Variants in SSPN observed in about 807,000 individuals in gnomAD.
SSPN encodes K-ras oncogene-associated protein.
SSPN carries 15 observed loss-of-function variants against 19.1 expected under a neutral mutation model. The ratio of observed to expected loss-of-function variants is 0.78; its 90% confidence interval spans 0.52 to 1.21. The LOEUF (loss-of-function observed/expected upper bound fraction) is 1.21, where lower values mean the gene tolerates loss of function less well. Among genes scored for constraint, SSPN ranks in the 50% most tolerant of loss-of-function variants. The pLI, the probability that SSPN is intolerant of heterozygous loss-of-function variation, is 0.00. For missense variants in SSPN, 291 were observed against 314.0 expected, an observed-to-expected ratio of 0.93 and a Z score of 0.55; for synonymous variants, 147 against 140.3, an observed-to-expected ratio of 1.05 and a Z score of -0.34.
chr12:26,227,389 G>C (rs1342204679), intron 2 of SSPN, among the ~76,000 whole-genome samples: 1 of 152,164 alleles, frequency 6.6e-6, no homozygotes. Flanking sequence ...GTGTGAGATA[G>C]ATACGCACGA....
chr12:26,123,684 C>T (rs1432535561), intron 1 of SSPN: 1 of 1,614,160 alleles, frequency 6.2e-7, no homozygotes, highest in Admixed American at 1.7e-5. Flanking sequence ...GCGGTTAAAG[C>T]TTTTAAGTGT....
In SSPN at chr12:26,231,227, G is replaced by C. The variant is rs1945229563; in HGVS notation, c.*151G>C. 1 of 1,168,410 alleles carries C rather than the reference G, an allele frequency of 8.6e-7. No homozygotes were observed. Among genetic ancestry groups the C allele is most frequent in the African/African-American group, 1.6e-5 (1 of 64,198 alleles). 72.4% of individuals were successfully genotyped at this position (1,168,410 alleles called of 1,614,324 possible). A position where few individuals can be genotyped will look rare whatever the true frequency, so the allele number is the denominator to read the frequency against. Reference sequence around the variant, plus strand: ...TTTTATATTTTTATGAAACAAAAGAGCATTTCTTCAGGTTTCTATTGTATT... The same window carrying C: ...TTTTATATTTTTATGAAACAAAAGACCATTTCTTCAGGTTTCTATTGTATT... On this transcript the variant is annotated 3_prime_UTR_variant, in exon 3 of 3. Coordinates refer to ENST00000242729, the MANE Select transcript of SSPN (RefSeq NM_005086.5).
chr12:26,145,430 T>C (rs1246268212), intron 1 of SSPN, among the ~76,000 whole-genome samples: 2 of 152,094 alleles, frequency 1.3e-5, no homozygotes, highest in East Asian at 1.9e-4. Flanking sequence ...CCCACCCTTA[T>C]GGTTGGGGGT....
intron 1 of SSPN, among the ~76,000 whole-genome samples, chr12:26,171,132 G>A (rs1267537902): frequency 6.6e-6 from 1 of 152,100 alleles, no homozygotes; most frequent in Non-Finnish European, 1.5e-5. Flanking sequence ...TCTCCTTCAT[G>A]TCCTCTAGAA....
chr12:26,231,088 A>G lies in SSPN; in HGVS notation c.*12A>G, dbSNP rs1381040129. 5 of 1,602,414 alleles carry G rather than the reference A, an allele frequency of 3.1e-6. No homozygotes were observed. The Admixed American group carries it at 6.8e-5, about 22-fold the overall frequency. On this transcript the variant is annotated 3_prime_UTR_variant, in exon 3 of 3. Coordinates refer to ENST00000242729, the MANE Select transcript of SSPN (RefSeq NM_005086.5). ...AGCAAAAGATCTAACATTCTTGCTC[A>G]AAGTTGCGAGAGAAAGTAGCACATG...
chr12:26,202,665 G>T (rs1472207396), intron 1 of SSPN, among the ~76,000 whole-genome samples: 3 of 152,170 alleles, frequency 2.0e-5, no homozygotes, highest in African/African-American at 7.2e-5. Flanking sequence ...GAGAAAATGG[G>T]TGTTTTCTAG....
intron 1 of SSPN, among the ~76,000 whole-genome samples, chr12:26,161,443 C>A (rs1242652413): frequency 6.6e-6 from 1 of 152,172 alleles, no homozygotes. Flanking sequence ...TCAACTCTTT[C>A]CCTGCCCTGC....
chr12:26,124,066 T>A (rs1944340077), intron 1 of SSPN: 2 of 1,572,204 alleles, frequency 1.3e-6, no homozygotes, highest in Admixed American at 3.3e-5. Flanking sequence ...AAAATGTGCA[T>A]CTTACTGTCA....
At chr12:26,154,904 G>A (rs1944546733) in intron 1 of SSPN, among the ~76,000 whole-genome samples, 1 of 152,130 alleles carries the variant, frequency 6.6e-6, no homozygotes, top group East Asian at 1.9e-4. Flanking sequence ...GGGTTTGAGG[G>A]ATGGTGATGG....
Position 26,195,644 on chromosome 12 carries a change from C to CCA in SSPN, c.-28_-27insAC. ...CAGGGCCCAGGGCGCCGCACACGCA[C>CCA]CCACCCACCCACCCAGCCTCGCAGC... On this transcript the variant is annotated 5_prime_UTR_variant, in exon 1 of 3. Coordinates refer to ENST00000242729, the MANE Select transcript of SSPN (RefSeq NM_005086.5). 7.5e-6 allele frequency: 1 copy of CCA among 133,494 alleles called. No homozygotes were observed. The highest frequency in any genetic ancestry group is 1.0e-5 in the Non-Finnish European group (1 of 96,858). 8.3% of individuals were successfully genotyped at this position (133,494 alleles called of 1,614,324 possible). A position where few individuals can be genotyped will look rare whatever the true frequency, so the allele number is the denominator to read the frequency against.
At chr12:26,154,153 T>C (rs977649090) in intron 1 of SSPN, among the ~76,000 whole-genome samples, 2 of 152,228 alleles carry the variant, frequency 1.3e-5, no homozygotes, top group African/African-American at 2.4e-5. Flanking sequence ...AAAGGTACTA[T>C]GAAAAGGCCC....
chr12:26,220,061 G>A (rs893933449), intron 1 of SSPN, among the ~76,000 whole-genome samples: 5 of 151,960 alleles, frequency 3.3e-5, no homozygotes, highest in Admixed American at 1.3e-4. Context: ...TTCCTGGCAC[G>A]TCCACGTCCT....
At chr12:26,146,049 GATGTTGGCTAA>G (rs1591848736) in intron 1 of SSPN, among the ~76,000 whole-genome samples, 1 of 152,186 alleles carries the variant, frequency 6.6e-6, no homozygotes, top group Non-Finnish European at 1.5e-5. Flanking sequence ...AGCCTTTCCT[GATGTTGGCTAA>G]ATGACAACAG....
intron 1 of SSPN, among the ~76,000 whole-genome samples, chr12:26,187,813 G>A (rs897619018): frequency 6.6e-6 from 1 of 152,238 alleles, no homozygotes; most frequent in Non-Finnish European, 1.5e-5. Flanking sequence ...GTGAAGCAAA[G>A]CACTAATTCA....
chr12:26,181,351 G>A (rs1326661555), intron 1 of SSPN: 1 of 152,090 alleles, frequency 6.6e-6, no homozygotes, highest in Non-Finnish European at 1.5e-5. Context: ...AAATACTACT[G>A]TAAAACAAAA....
chr12:26,125,098 T>G, intron 1 of SSPN: 2 of 367,234 alleles, frequency 5.4e-6, no homozygotes, highest in Non-Finnish European at 1.0e-5. Context: ...GAACGTACCA[T>G]CCGCGGTCCA....
chr12:26,227,799 G>A (rs73295095), intron 2 of SSPN, among the ~76,000 whole-genome samples: 13,801 of 152,194 alleles, frequency 0.091, 1,292 homozygotes, highest in African/African-American at 0.24. Context: ...AGGTGCACAG[G>A]GATTGATGAA....
At chr12:26,206,895 G>A (rs1046165816) in intron 1 of SSPN, among the ~76,000 whole-genome samples, 1 of 152,170 alleles carries the variant, frequency 6.6e-6, no homozygotes, top group Non-Finnish European at 1.5e-5. Flanking sequence ...AGGAGTAGAA[G>A]CCACACCCTA....
At chr12:26,219,036 T>A (rs1945090253) in intron 1 of SSPN, among the ~76,000 whole-genome samples, 1 of 152,188 alleles carries the variant, frequency 6.6e-6, no homozygotes. Context: ...TGAAAGTTGA[T>A]TAACTTACAG....
Sources: allele counts gnomAD v4.1 joint callset (sites outside exome capture counted in the v4.1 genomes callset), GRCh38; gene constraint gnomAD v4.1.1; transcripts MANE v1.5; gene names NCBI Gene and HGNC (gene_info 2026-07-23, HGNC 2026-07-21).